The following GPC6 variants were observed in gnomAD, a reference collection of about 807,000 sequenced individuals.
GPC6 encodes the protein glypican-6.
In GPC6, 14 loss-of-function variants were observed where a neutral mutation model predicts 55.2. The ratio of observed to expected loss-of-function variants is 0.25; its 90% confidence interval spans 0.17 to 0.40. GPC6 has a LOEUF of 0.40. Ranked by LOEUF, GPC6 falls within the 10% of genes least tolerant of loss-of-function variation. GPC6 has a pLI of 1.00. For synonymous variants in GPC6, 278 were observed against 259.6 expected (o/e 1.07, Z -0.68); for missense variants, 641 against 708.5 (o/e 0.90, Z 1.08).
intron 2 of GPC6, among the ~76,000 whole-genome samples, chr13:93,804,011 C>A (rs1479338702): frequency 6.6e-6 from 1 of 151,876 alleles, no homozygotes; most frequent in East Asian, 1.9e-4. Flanking sequence ...CATCCTAGAG[C>A]AGTTATGAAT....
intron 4 of GPC6, among the ~76,000 whole-genome samples, chr13:94,201,103 A>C (rs181890392): frequency 6.6e-6 from 1 of 152,344 alleles, no homozygotes; most frequent in East Asian, 1.9e-4. Flanking sequence ...GCACACTGAA[A>C]CGTGCCCCTC....
intron 3 of GPC6, among the ~76,000 whole-genome samples, chr13:93,994,577 GAAAT>G (rs1477591237): frequency 6.6e-6 from 1 of 152,120 alleles, no homozygotes; most frequent in Non-Finnish European, 1.5e-5. Context: ...AGAGGAGATG[GAAAT>G]TAGGATATGT....
chr13:93,998,937 C>T (rs1881675258), intron 3 of GPC6, among the ~76,000 whole-genome samples: 1 of 152,064 alleles, frequency 6.6e-6, no homozygotes, highest in Non-Finnish European at 1.5e-5. Context: ...ACTTATTCGT[C>T]CTATCTCACA....
In GPC6 at chr13:93,420,371, G is replaced by C. The variant is rs1246632724; in HGVS notation, c.161-124892G>C. ...TGAACTGAGTCCTGATGGGACTACC[G>C]TGGGAAGGAGGTGTCCATGCTGAGT... On this transcript the variant is annotated intron_variant, in intron 1 of 8. Coordinates refer to ENST00000377047, the MANE Select transcript of GPC6 (RefSeq NM_005708.5). Among the ~76,000 whole-genome samples, 4 of 152,116 alleles carry C rather than the reference G, an allele frequency of 2.6e-5. No homozygotes were observed. The East Asian group carries it at 7.7e-4, about 29-fold the overall frequency.
chr13:93,581,998 A>G (rs1249844159), intron 2 of GPC6, among the ~76,000 whole-genome samples: 2 of 152,204 alleles, frequency 1.3e-5, no homozygotes, highest in African/African-American at 2.4e-5. Flanking sequence ...ACTGAGATTA[A>G]AGAAGTTCCT....
At chr13:93,750,530 C>T (rs918422809) in intron 2 of GPC6, among the ~76,000 whole-genome samples, 12 of 152,070 alleles carry the variant, frequency 7.9e-5, no homozygotes, top group African/African-American at 2.7e-4. Context: ...TCAATCAGAT[C>T]TGTGGTAAAA....
At chr13:94,005,513 T>C (rs528920873) in intron 3 of GPC6, among the ~76,000 whole-genome samples, 1 of 152,292 alleles carries the variant, frequency 6.6e-6, no homozygotes, top group Admixed American at 6.5e-5. Flanking sequence ...CTTTCCAAGT[T>C]TGGAAATTTG....
At chr13:94,136,309 C>A (rs1356370475) in intron 4 of GPC6, among the ~76,000 whole-genome samples, 2 of 151,732 alleles carry the variant, frequency 1.3e-5, no homozygotes, top group East Asian at 3.9e-4. Context: ...GAGCTGCAAG[C>A]AGTTCCTAGA....
intron 6 of GPC6, among the ~76,000 whole-genome samples, chr13:94,373,962 C>T: frequency 6.6e-6 from 1 of 151,894 alleles, no homozygotes; most frequent in Non-Finnish European, 1.5e-5. Context: ...TCCAGCCAAA[C>T]TAAGCTTCAT....
chr13:94,084,095 G>A (rs2138801339), intron 4 of GPC6, among the ~76,000 whole-genome samples: 1 of 152,298 alleles, frequency 6.6e-6, no homozygotes, highest in East Asian at 1.9e-4. Context: ...GATTTATAAA[G>A]TGTGCTTCTT....
intron 3 of GPC6, among the ~76,000 whole-genome samples, chr13:93,873,424 G>C (rs1363447257): frequency 6.6e-6 from 1 of 151,876 alleles, no homozygotes; most frequent in East Asian, 2.0e-4. Context: ...TTGGTATTCT[G>C]CTCTTGTTCC....
chr13:94,346,533 CA>C (rs1878296868), intron 6 of GPC6, among the ~76,000 whole-genome samples: 1 of 151,836 alleles, frequency 6.6e-6, no homozygotes, highest in African/African-American at 2.4e-5. Context: ...CCAGCCTGGC[CA>C]ACATGATAAA....
rs985977425 is a variant in GPC6 at position 93,227,720 on chromosome 13, T to A, written c.160+104T>A. On this transcript the variant is annotated intron_variant, in intron 1 of 8. Coordinates refer to ENST00000377047, the MANE Select transcript of GPC6 (RefSeq NM_005708.5). This position sits in a 1 kb window ranked among gnomAD's most constrained non-coding sequence, Gnocchi z 4.3. ...CTTCCCCCTGTTGCTGAGTTGGTGC[T>A]CACTTTCTGCCACCGCTATGGGACT... The A allele has an allele frequency of 1.1e-6, 1 of 895,894 alleles. No homozygotes were observed. Among genetic ancestry groups the A allele is most frequent in the African/African-American group, 1.7e-5 (1 of 60,128 alleles). 55.5% of individuals were successfully genotyped at this position (895,894 alleles called of 1,614,324 possible). A position where few individuals can be genotyped will look rare whatever the true frequency, so the allele number is the denominator to read the frequency against.
intron 1 of GPC6, among the ~76,000 whole-genome samples, chr13:93,422,851 T>C (rs1876973526): frequency 6.6e-6 from 1 of 152,224 alleles, no homozygotes; most frequent in South Asian, 2.1e-4. Context: ...TTGATGGTTC[T>C]AGTTAGCAAC....
intron 2 of GPC6, among the ~76,000 whole-genome samples, chr13:93,706,925 A>T (rs1882865691): frequency 6.6e-6 from 1 of 151,826 alleles, no homozygotes; most frequent in Non-Finnish European, 1.5e-5. Flanking sequence ...AGTAGACAAG[A>T]TGAGAGGGAA....
intron 1 of GPC6, among the ~76,000 whole-genome samples, chr13:93,258,723 G>A (rs1182932712): frequency 6.6e-6 from 1 of 152,030 alleles, no homozygotes; most frequent in African/African-American, 2.4e-5. Context: ...AGGATTGCTT[G>A]AAGCCAGGAG....
At chr13:94,051,376 T>A (rs1056208681) in intron 4 of GPC6, among the ~76,000 whole-genome samples, 6 of 151,364 alleles carry the variant, frequency 4.0e-5, no homozygotes, top group Non-Finnish European at 7.4e-5. Flanking sequence ...CAACTTTTTT[T>A]AAAGTTAAGG....
chr13:93,544,094 G>A (rs1306267350), intron 1 of GPC6, among the ~76,000 whole-genome samples: 1 of 148,822 alleles, frequency 6.7e-6, no homozygotes, highest in Admixed American at 6.7e-5. Context: ...TGTAATTGTT[G>A]GACATTTGAG....
At chr13:93,379,405 T>C (rs1386228629) in intron 1 of GPC6, among the ~76,000 whole-genome samples, 7 of 152,180 alleles carry the variant, frequency 4.6e-5, no homozygotes, top group Admixed American at 3.3e-4. Context: ...TATTAAGAAC[T>C]TAAGCAGATG....
Sources: allele counts gnomAD v4.1 joint callset (sites outside exome capture counted in the v4.1 genomes callset), GRCh38; gene constraint gnomAD v4.1.1; non-coding constraint Gnocchi (gnomAD v3.1); transcripts MANE v1.5; gene names NCBI Gene and HGNC (gene_info 2026-07-23, HGNC 2026-07-21).